PAAF1: variants seen among roughly 807,000 people sequenced by gnomAD.
PAAF1 encodes the protein proteasomal ATPase associated factor 1, also known as proteasomal ATPase-associated factor 1.
Under a neutral mutation model 52.8 loss-of-function variants are expected in PAAF1, and 46 were observed. The observed-to-expected ratio is 0.87, with a 90% CI of 0.69 to 1.11. The LOEUF is 1.11. Among genes scored for constraint, PAAF1 ranks in the 50% most tolerant of loss-of-function variants. The pLI is 0.00. For synonymous variants in PAAF1, 178 were observed against 172.8 expected (o/e 1.03, Z -0.24); for missense variants, 424 against 477.4 (o/e 0.89, Z 1.04).
chr11:73,928,866 C>G lies in PAAF1; in HGVS notation c.*1504C>G, dbSNP rs1376690191. The G allele has an allele frequency of 6.6e-6, 1 of 152,130 alleles. No homozygotes were observed. Among genetic ancestry groups the G allele is most frequent in the Non-Finnish European group, 1.5e-5 (1 of 68,052 alleles). 9.4% of individuals were successfully genotyped at this position (152,130 alleles called of 1,614,324 possible). A position where few individuals can be genotyped will look rare whatever the true frequency, so the allele number is the denominator to read the frequency against. ...TAGTAGCTGGGACTGCAGGCATGCA[C>G]CACCATGCCCGGCTAATATTTTTTT... On this transcript the variant is annotated 3_prime_UTR_variant, in exon 12 of 12. Transcript: ENST00000310571.
chr11:73,918,352 ATTTTTTTTTTTTTTTTTTTTTT>A (rs1157984685), intron 9 of PAAF1, among the ~76,000 whole-genome samples: 1 of 71,668 alleles, frequency 1.4e-5, no homozygotes, highest in African/African-American at 5.3e-5. Context: ...CAGTTACTTA[ATTTTTTTTTTTTTTTTTTTTTT>A]TTTTTTTTTG....
chr11:73,922,887 G>A, intron 10 of PAAF1, among the ~76,000 whole-genome samples: 1 of 151,110 alleles, frequency 6.6e-6, no homozygotes, highest in Non-Finnish European at 1.5e-5. Flanking sequence ...TTGATTATTA[G>A]TGAGGAGATT....
At chr11:73,909,292 A>C (rs1949861456) in intron 6 of PAAF1, 107 bp from the exon 7 acceptor site, 2 of 977,578 alleles carry the variant, frequency 2.0e-6, no homozygotes, top group African/African-American at 3.2e-5. Flanking sequence ...GTACCTGTTC[A>C]GAACATGTTT....
chr11:73,888,837 C>G (rs1160950979), intron 3 of PAAF1: 1 of 386,938 alleles, frequency 2.6e-6, no homozygotes, highest in African/African-American at 2.1e-5. Context: ...GTCTCAGTTT[C>G]CTCATCAATA....
At chr11:73,901,423 T>A (rs773864562) in intron 6 of PAAF1, among the ~76,000 whole-genome samples, 14 of 152,220 alleles carry the variant, frequency 9.2e-5, no homozygotes, top group Non-Finnish European at 2.1e-4. Flanking sequence ...TTGAATATTT[T>A]AAAAATATGT....
chr11:73,912,997 C>T (rs1198975996), intron 7 of PAAF1, among the ~76,000 whole-genome samples: 5 of 152,218 alleles, frequency 3.3e-5, no homozygotes, highest in Non-Finnish European at 5.9e-5. Flanking sequence ...CCGCCTCAGC[C>T]TCCCGAGTAA....
chr11:73,914,406 C>T lies in PAAF1; in HGVS notation c.728-7C>T. 6.2e-7 allele frequency: 1 copy of T among 1,613,532 alleles called. No homozygotes were observed. Among genetic ancestry groups the T allele is most frequent in the South Asian group, 1.1e-5 (1 of 91,062 alleles). On this transcript the variant is annotated splice_polypyrimidine_tract_variant and splice_region_variant and intron_variant, in intron 7 of 11. Transcript: ENST00000310571. ...ACTGTTATTAACATAGTTTATTTGT[C>T]ATGCAGGTGAACGGGAGGTTGGAAC...
In PAAF1 at chr11:73,924,669, C is replaced by T. The variant is rs1306852201; in HGVS notation, c.1073C>T (p.Thr358Ile). ...QQDLDYVTELTGADCDPVYKV... is the reference protein window; with the variant it reads ...QQDLDYVTELIGADCDPVYKV... ...GACTTAGACTATGTCACTGAGCTCA[C>T]TGGGGCTGACTGTGACCCTGTGTAC... The change falls in exon 11 of 12, where the codon ACT (threonine) becomes ATT (isoleucine). Residue 358 changes from threonine to isoleucine, a missense_variant. Thr to Ile is a moderately conservative substitution (Grantham distance 89). Coordinates refer to ENST00000310571, the MANE Select transcript of PAAF1 (RefSeq NM_025155.3). 6.2e-7 allele frequency: 1 copy of T among 1,614,076 alleles called. No homozygotes were observed. Among genetic ancestry groups the T allele is most frequent in the South Asian group, 1.1e-5 (1 of 91,084 alleles).
chr11:73,907,504 G>A (rs532838816), intron 6 of PAAF1, among the ~76,000 whole-genome samples: 27 of 152,286 alleles, frequency 1.8e-4, no homozygotes, highest in African/African-American at 5.1e-4. Context: ...TTCTAGTGGC[G>A]TTATAAGCTT....
chr11:73,881,117 A>G (rs1222338614), intron 2 of PAAF1, among the ~76,000 whole-genome samples: 2 of 152,234 alleles, frequency 1.3e-5, no homozygotes, highest in African/African-American at 4.8e-5. Context: ...TATTATTACA[A>G]GGACCTTGGC....
intron 5 of PAAF1, 28 bp downstream of exon 5, chr11:73,899,272 C>G (rs1169988727): frequency 6.4e-7 from 1 of 1,570,590 alleles, no homozygotes; most frequent in East Asian, 2.2e-5. Flanking sequence ...ACTTTTAGGT[C>G]TTAAACACAA....
intron 2 of PAAF1, among the ~76,000 whole-genome samples, chr11:73,886,618 A>G (rs1949063294): frequency 7.3e-6 from 1 of 136,832 alleles, no homozygotes; most frequent in African/African-American, 2.8e-5. Flanking sequence ...GATTCCAGTG[A>G]GCTGAGATCA....
intron 2 of PAAF1, among the ~76,000 whole-genome samples, chr11:73,883,773 G>A (rs747241518): frequency 1.3e-5 from 2 of 151,984 alleles, no homozygotes; most frequent in African/African-American, 2.4e-5. Context: ...CTCCCACCTC[G>A]GCCTCCCAAA....
At chr11:73,916,855 A>G (rs995813060) in intron 9 of PAAF1, among the ~76,000 whole-genome samples, 195 bp downstream of exon 9, 5 of 152,172 alleles carry the variant, frequency 3.3e-5, no homozygotes, top group African/African-American at 1.2e-4. Context: ...TATGATTCAT[A>G]CCATTATGAT....
chr11:73,909,323 A>T, intron 6 of PAAF1, 76 bp from the exon 7 acceptor site: 1 of 1,353,098 alleles, frequency 7.4e-7, no homozygotes, highest in Non-Finnish European at 1.0e-6. Context: ...GGAGTCATTT[A>T]TGCAGCTCCA....
Position 73,909,405 on chromosome 11 carries a change from T to C in PAAF1, c.539T>C (p.Leu180Pro), listed in dbSNP as rs1490363996. The change falls in exon 7 of 12, where the codon CTG becomes CCG. Residue 180 changes from leucine to proline, a missense_variant. Transcript: ENST00000310571. The stretch of plus-strand genomic sequence containing the variant: ...AGTTTTTTTCTCTTGCTAGGTATCC[T>C]GGATACAGCCATCGTTGATCGGGGG... ...VTFKGHKGGI[L>P]DTAIVDRGRN... 6.2e-7 allele frequency: 1 copy of C among 1,614,022 alleles called. No individual in the cohort carries two copies. The highest frequency in any genetic ancestry group is 1.3e-5 in the African/African-American group (1 of 74,928).
At chr11:73,901,862 C>T (rs1005670662) in intron 6 of PAAF1, among the ~76,000 whole-genome samples, 3 of 149,492 alleles carry the variant, frequency 2.0e-5, no homozygotes, top group African/African-American at 7.4e-5. Context: ...TTAGCCACTG[C>T]GCCTTGCCTT....
chr11:73,924,004 TACACAC>T (rs113973014), intron 10 of PAAF1, among the ~76,000 whole-genome samples: 3 of 149,764 alleles, frequency 2.0e-5, no homozygotes, highest in Non-Finnish European at 4.5e-5. Flanking sequence ...AGTTTATAAA[TACACAC>T]ACACACACAC....
intron 2 of PAAF1, among the ~76,000 whole-genome samples, chr11:73,882,015 C>A (rs1429080326): frequency 2.6e-5 from 4 of 152,016 alleles, no homozygotes; most frequent in Admixed American, 2.6e-4. Context: ...GCTGGGATTA[C>A]AAGCATGTGC....
Sources: allele counts gnomAD v4.1 joint callset (sites outside exome capture counted in the v4.1 genomes callset), GRCh38; gene constraint gnomAD v4.1.1; transcripts MANE v1.5; gene names NCBI Gene and HGNC (gene_info 2026-07-23, HGNC 2026-07-21).